Variants in STX8 observed in about 807,000 individuals in gnomAD.
STX8 encodes syntaxin-8.
A neutral mutation model predicts 37.5 loss-of-function variants in STX8; 23 were observed. The ratio of observed to expected loss-of-function variants is 0.61; its 90% CI spans 0.44 to 0.87. The LOEUF is 0.87. STX8 is among the 40% of genes least tolerant of loss of function. The pLI is 0.00. For missense variants in STX8, 313 were observed against 284.7 expected (o/e 1.10, Z -0.71); for synonymous variants, 115 against 99.1 (o/e 1.16, Z -0.95).
chr17:9,473,168 C>G (rs1905950012), intron 6 of STX8, among the ~76,000 whole-genome samples: 1 of 152,016 alleles, frequency 6.6e-6, no homozygotes, highest in Non-Finnish European at 1.5e-5. Flanking sequence ...AGGTGCCCAC[C>G]ACCACACCTG....
intron 6 of STX8, among the ~76,000 whole-genome samples, chr17:9,449,801 G>A (rs897388904): frequency 1.3e-5 from 2 of 151,870 alleles, no homozygotes; most frequent in Non-Finnish European, 2.9e-5. Flanking sequence ...GGGGCTGGGA[G>A]TGAGAAGAGG....
At chr17:9,476,089 G>A (rs916167931) in intron 6 of STX8, among the ~76,000 whole-genome samples, 1 of 152,222 alleles carries the variant, frequency 6.6e-6, no homozygotes, top group Non-Finnish European at 1.5e-5. Flanking sequence ...TGAGACAGAA[G>A]AATCGTTTGA....
chr17:9,286,825 G>A (rs143205144), intron 7 of STX8, among the ~76,000 whole-genome samples: 72 of 152,274 alleles, frequency 4.7e-4, no homozygotes, highest in African/African-American at 1.7e-3. Flanking sequence ...AAAGGGTGGC[G>A]TGGTAGTAGA....
At chr17:9,540,364 G>T (rs1906230666) in intron 4 of STX8, among the ~76,000 whole-genome samples, 1 of 152,156 alleles carries the variant, frequency 6.6e-6, no homozygotes, top group South Asian at 2.1e-4. Flanking sequence ...CTTTTGTCTA[G>T]TATGAATTTT....
At chr17:9,288,680 AAAT>A in intron 7 of STX8, among the ~76,000 whole-genome samples, 1 of 145,198 alleles carries the variant, frequency 6.9e-6, no homozygotes, top group South Asian at 2.1e-4. Context: ...TAAATAAAAT[AAAT>A]AAATAAATAA....
At chr17:9,506,047 AAC>A (rs1904809804) in intron 4 of STX8, among the ~76,000 whole-genome samples, 1 of 152,134 alleles carries the variant, frequency 6.6e-6, no homozygotes, top group Admixed American at 6.6e-5. Flanking sequence ...TAACAGAATA[AAC>A]ACATTCTGAT....
At chr17:9,536,103 T>A (rs947906440) in intron 4 of STX8, among the ~76,000 whole-genome samples, 10 of 152,226 alleles carry the variant, frequency 6.6e-5, no homozygotes, top group African/African-American at 2.4e-4. Flanking sequence ...TAATTACTTA[T>A]GTTGAGGAGA....
chr17:9,278,483 A>G (rs948723906), intron 7 of STX8, among the ~76,000 whole-genome samples: 28 of 152,174 alleles, frequency 1.8e-4, no homozygotes, highest in African/African-American at 6.8e-4. Context: ...ATACTTTAGA[A>G]TGCCACAGCT....
intron 6 of STX8, among the ~76,000 whole-genome samples, chr17:9,383,848 A>T (rs1003498299): frequency 6.6e-6 from 1 of 152,238 alleles, no homozygotes; most frequent in African/African-American, 2.4e-5. Context: ...AAAGTAAAAA[A>T]ATCCATTATA....
At chr17:9,274,740 A>G (rs1567763835) in intron 7 of STX8, among the ~76,000 whole-genome samples, 1 of 112,502 alleles carries the variant, frequency 8.9e-6, no homozygotes, top group African/African-American at 3.0e-5. Flanking sequence ...AAATACAACA[A>G]TTTCTTTTTT....
chr17:9,354,148 C>CCA (rs1910800155), intron 7 of STX8, among the ~76,000 whole-genome samples: 1 of 152,062 alleles, frequency 6.6e-6, no homozygotes, highest in South Asian at 2.1e-4. Context: ...CTCTTGTACT[C>CCA]CACCTCTTCA....
At chr17:9,402,125 A>T (rs1912644611) in intron 6 of STX8, among the ~76,000 whole-genome samples, 1 of 148,968 alleles carries the variant, frequency 6.7e-6, no homozygotes, top group Non-Finnish European at 1.5e-5. Flanking sequence ...TTTATTTATT[A>T]TTATTTGTTT....
intron 4 of STX8, among the ~76,000 whole-genome samples, chr17:9,529,463 G>A (rs1905723001): frequency 6.6e-6 from 1 of 152,076 alleles, no homozygotes; most frequent in Non-Finnish European, 1.5e-5. Context: ...AATCCCCAGT[G>A]TACAGCTCAA....
chr17:9,451,500 G>A (rs901553223), intron 6 of STX8, among the ~76,000 whole-genome samples: 1 of 152,128 alleles, frequency 6.6e-6, no homozygotes, highest in Non-Finnish European at 1.5e-5. Context: ...ACCCCTGCTA[G>A]GGTTCGTGGT....
chr17:9,525,577 A>G (rs1441558591), intron 4 of STX8, among the ~76,000 whole-genome samples: 1 of 151,450 alleles, frequency 6.6e-6, no homozygotes, highest in Non-Finnish European at 1.5e-5. Context: ...CGATCTCCTG[A>G]CCTCATGATC....
At position 9,506,674 on chromosome 17, in the gene STX8, A is replaced by G. The variant is rs147369195; in HGVS notation, c.324-1512T>C. 3.9e-5 allele frequency among the ~76,000 whole-genome samples: 6 copies of G among 152,190 alleles called. No individual in the cohort carries two copies. The East Asian group carries it at 9.7e-4, about 25-fold the overall frequency. On this transcript the variant is annotated intron_variant, in intron 4 of 7. Coordinates refer to ENST00000306357, the MANE Select transcript of STX8 (RefSeq NM_004853.3). ...GAGATTCCCACCTGCCCCCACTGCC[A>G]CTGCAAACACCTACAGTCCTTATTA...
At chr17:9,387,759 A>G (rs1912068200) in intron 6 of STX8, among the ~76,000 whole-genome samples, 1 of 152,232 alleles carries the variant, frequency 6.6e-6, no homozygotes. Flanking sequence ...ACAATACATA[A>G]TACAAAATTC....
intron 4 of STX8, among the ~76,000 whole-genome samples, chr17:9,510,596 G>A (rs1294297753): frequency 1.3e-5 from 2 of 151,924 alleles, no homozygotes; most frequent in Non-Finnish European, 2.9e-5. Context: ...ACAACATACC[G>A]AAACCTATGG....
intron 7 of STX8, among the ~76,000 whole-genome samples, chr17:9,373,055 G>A (rs1300044491): frequency 4.7e-5 from 7 of 150,234 alleles, no homozygotes; most frequent in Non-Finnish European, 7.4e-5. Flanking sequence ...AGTGAGCTGA[G>A]GTCATGCCAT....
Sources: gnomAD v4.1 joint callset for allele counts (sites outside exome capture counted in the v4.1 genomes callset) on GRCh38, gnomAD v4.1.1 for gene constraint, MANE v1.5 for transcripts, NCBI Gene and HGNC (gene_info 2026-07-23, HGNC 2026-07-21) for gene names.